The following IL1RAPL2 variants were observed in gnomAD, a reference collection of about 807,000 sequenced individuals.
The protein encoded by IL1RAPL2 is X-linked interleukin-1 receptor accessory protein-like 2.
A neutral mutation model predicts 44.1 loss-of-function variants in IL1RAPL2; 3 were observed. That is an observed-to-expected ratio of 0.07 (90% CI 0.03 to 0.18). IL1RAPL2 has a LOEUF of 0.18. Among genes scored for constraint, IL1RAPL2 ranks in the 10% least tolerant of loss-of-function variants. The pLI is 1.00. For missense variants in IL1RAPL2, 391 were observed against 496.4 expected (o/e 0.79, Z 2.02); for synonymous variants, 181 against 178.8 (o/e 1.01, Z -0.10).
chrX:104,577,275 G>A (rs890613546), intron 1 of IL1RAPL2, among the ~76,000 whole-genome samples: 2 of 112,024 alleles, frequency 1.8e-5, no homozygotes, highest in Non-Finnish European at 3.8e-5. Context: ...GAGCTTGGGG[G>A]AAAGAGGTCA....
chrX:105,495,818 G>A (rs990426222), intron 6 of IL1RAPL2, among the ~76,000 whole-genome samples: 5 of 110,947 alleles, frequency 4.5e-5, no homozygotes, highest in Admixed American at 9.6e-5. Context: ...GTCTCTCCCC[G>A]CCACAACCAT....
intron 2 of IL1RAPL2, among the ~76,000 whole-genome samples, chrX:104,899,341 T>C (rs1278185434): frequency 8.9e-6 from 1 of 112,423 alleles, no homozygotes; most frequent in Non-Finnish European, 1.9e-5. Flanking sequence ...ATATTTTCAA[T>C]ATTTTTATTT....
intron 6 of IL1RAPL2, among the ~76,000 whole-genome samples, chrX:105,670,131 ATATATATAT>A (rs2037807806): frequency 2.0e-5 from 1 of 50,509 alleles, no homozygotes; most frequent in African/African-American, 6.8e-5. Context: ...ATATATATAT[ATATATATAT>A]ATATATATCT....
chrX:105,254,114 T>C lies in IL1RAPL2; in HGVS notation c.544-13274T>C, dbSNP rs113140442. ...CAAATGGTATTTCTGTTTTGCTCTT[T>C]GAGGAATCGCCATACTGCTTTCCAC... is the stretch of plus-strand genomic sequence containing the variant. On this transcript the variant is annotated intron_variant, in intron 4 of 10. Coordinates refer to ENST00000372582, the MANE Select transcript of IL1RAPL2 (RefSeq NM_017416.2). 2.8e-3 allele frequency among the ~76,000 whole-genome samples: 318 copies of C among 111,922 alleles called. 2 individuals are homozygous for C. Among genetic ancestry groups the C allele is most frequent in the African/African-American group, 0.01 (310 of 30,842 alleles).
chrX:104,923,287 C>G (rs1332193398), intron 2 of IL1RAPL2, among the ~76,000 whole-genome samples: 5 of 111,678 alleles, frequency 4.5e-5, no homozygotes, highest in African/African-American at 1.6e-4. Flanking sequence ...TGCAAACACC[C>G]AGATTTAAGA....
chrX:104,961,905 C>T (rs1321785392), intron 2 of IL1RAPL2, among the ~76,000 whole-genome samples: 3 of 112,220 alleles, frequency 2.7e-5, no homozygotes, highest in Admixed American at 9.5e-5. Context: ...ATGTGCTTAC[C>T]GCATGATTAC....
intron 2 of IL1RAPL2, among the ~76,000 whole-genome samples, chrX:104,923,406 AG>A (rs1924694379): frequency 8.9e-6 from 1 of 112,021 alleles, no homozygotes; most frequent in African/African-American, 3.2e-5. Flanking sequence ...AAGCAGCTAA[AG>A]AGAAATACAA....
intron 1 of IL1RAPL2, among the ~76,000 whole-genome samples, chrX:104,603,981 A>G (rs1928943667): frequency 9.0e-6 from 1 of 111,498 alleles, no homozygotes; most frequent in Admixed American, 9.5e-5. Context: ...CCTTGAGAAG[A>G]GCAACCCCAA....
chrX:104,944,126 T>A (rs1047147447), intron 2 of IL1RAPL2, among the ~76,000 whole-genome samples: 4 of 111,575 alleles, frequency 3.6e-5, no homozygotes, highest in African/African-American at 1.3e-4. Context: ...CAAGTAGCTG[T>A]TCTTTAACAA....
chrX:105,425,385 T>G (rs752344827), intron 5 of IL1RAPL2, among the ~76,000 whole-genome samples: 1 of 110,261 alleles, frequency 9.1e-6, no homozygotes, highest in Admixed American at 9.7e-5. Flanking sequence ...AAAGGGAAAT[T>G]GAGTATACAG....
intron 6 of IL1RAPL2, among the ~76,000 whole-genome samples, chrX:105,660,141 G>T (rs1272149228): frequency 9.0e-6 from 1 of 111,292 alleles, no homozygotes; most frequent in Non-Finnish European, 1.9e-5. Context: ...CAAGAGAAAA[G>T]AAATAACATG....
At chrX:104,570,394 G>A (rs1394594811) in intron 1 of IL1RAPL2, among the ~76,000 whole-genome samples, 2 of 112,011 alleles carry the variant, frequency 1.8e-5, no homozygotes, top group Admixed American at 1.9e-4. Context: ...AAAATAAAAT[G>A]TGTCTGTCCA....
chrX:104,802,493 T>A (rs1932892208), intron 2 of IL1RAPL2, among the ~76,000 whole-genome samples: 1 of 111,364 alleles, frequency 9.0e-6, no homozygotes, highest in Admixed American at 9.6e-5. Context: ...AATAATATAT[T>A]TAATAAATTT....
At chrX:105,452,719 ATAATCT>A (rs1258907015) in intron 5 of IL1RAPL2, among the ~76,000 whole-genome samples, 5 of 111,352 alleles carry the variant, frequency 4.5e-5, no homozygotes, top group Non-Finnish European at 7.5e-5. Context: ...ATTATGAATA[ATAATCT>A]TAAGCTCTCA....
intron 7 of IL1RAPL2, among the ~76,000 whole-genome samples, chrX:105,721,588 A>G (rs1008169508): frequency 9.0e-6 from 1 of 111,649 alleles, no homozygotes; most frequent in Admixed American, 9.6e-5. Context: ...AAAGTGAGGC[A>G]CTGCTACTCT....
At chrX:104,747,042 G>T (rs1258222858) in intron 2 of IL1RAPL2, among the ~76,000 whole-genome samples, 1 of 111,224 alleles carries the variant, frequency 9.0e-6, no homozygotes, top group South Asian at 3.8e-4. Context: ...GGATATCTCT[G>T]GTTAGTCTTT....
At chrX:105,455,653 G>A (rs191458835) in intron 5 of IL1RAPL2, among the ~76,000 whole-genome samples, 68 of 111,377 alleles carry the variant, frequency 6.1e-4, no homozygotes, top group East Asian at 2.5e-3. Context: ...TTATTTCTGC[G>A]TTCTCTGTTC....
At chrX:105,451,634 G>T (rs2147761930) in intron 5 of IL1RAPL2, among the ~76,000 whole-genome samples, 1 of 111,904 alleles carries the variant, frequency 8.9e-6, no homozygotes, top group South Asian at 3.7e-4. Flanking sequence ...GAACATCTGT[G>T]CTTTGATTAC....
At chrX:104,613,806 G>GTTTTTTTTTTTTTTTTTTTTT in intron 1 of IL1RAPL2, among the ~76,000 whole-genome samples, 1 of 61,882 alleles carries the variant, frequency 1.6e-5, no homozygotes, top group Non-Finnish European at 3.0e-5. Context: ...TCCAGGGCAT[G>GTTTTTTTTTTTTTTTTTTTTT]TTTTTTTTTT....
Sources: gnomAD v4.1 joint callset for allele counts (sites outside exome capture counted in the v4.1 genomes callset) on GRCh38, gnomAD v4.1.1 for gene constraint, MANE v1.5 for transcripts, NCBI Gene and HGNC (gene_info 2026-07-23, HGNC 2026-07-21) for gene names.